GPN1: variants seen among roughly 807,000 people sequenced by gnomAD.
GPN1 encodes GPN-loop GTPase 1.
A neutral mutation model predicts 55.9 loss-of-function variants in GPN1; 44 were observed. That is an observed-to-expected ratio of 0.79 (90% CI 0.62 to 1.01). GPN1 has a LOEUF of 1.01. Among genes scored for constraint, GPN1 ranks in the 50% least tolerant of loss-of-function variants. The probability of loss-of-function intolerance (pLI) is 0.00; values close to 1 mark genes in which losing one functional copy is unlikely to be tolerated. For missense variants in GPN1, 466 were observed against 462.8 expected (o/e 1.01, Z -0.06); for synonymous variants, 179 against 162.5 (o/e 1.10, Z -0.77).
At chr2:27,647,104 C>T (rs1674271541) in intron 12 of GPN1, among the ~76,000 whole-genome samples, 1 of 152,186 alleles carries the variant, frequency 6.6e-6, no homozygotes, top group African/African-American at 2.4e-5. Context: ...TCCTGTCATC[C>T]TCCTTTTTCA....
intron 5 of GPN1, among the ~76,000 whole-genome samples, chr2:27,633,287 A>G (rs181083883): frequency 8.7e-4 from 132 of 152,248 alleles, no homozygotes; most frequent in Non-Finnish European, 2.1e-4. Flanking sequence ...GTGCTTTTAC[A>G]AAAATGGGGT....
chr2:27,628,274 A>G, upstream of GPN1: 1 of 999,362 alleles, frequency 1.0e-6, no homozygotes, highest in South Asian at 1.7e-5. Context: ...AGGGTCACAG[A>G]AACAGACTGG....
intron 10 of GPN1, 110 bp from the exon 11 acceptor site, chr2:27,641,130 G>A: frequency 1.4e-6 from 1 of 724,184 alleles, no homozygotes. Flanking sequence ...GTTGAATGAA[G>A]TCAGATGTTT....
intron 13 of GPN1, among the ~76,000 whole-genome samples, chr2:27,648,906 G>C (rs1674372605): frequency 1.3e-5 from 2 of 151,626 alleles, no homozygotes; most frequent in Admixed American, 6.6e-5. Context: ...CAAAGTGCTG[G>C]GATTACAGGC....
chr2:27,632,583 A>G (rs776801269), intron 4 of GPN1, 50 bp from the exon 5 acceptor site: 4 of 1,339,436 alleles, frequency 3.0e-6, no homozygotes, highest in Non-Finnish European at 4.3e-6. Flanking sequence ...GGGCTCTGTG[A>G]TTTTGTGTTG....
chr2:27,650,487 C>T lies in GPN1; in HGVS notation c.*287C>T, dbSNP rs1674475199. 1 of 193,756 alleles carries T rather than the reference C, an allele frequency of 5.2e-6. No individual in the cohort carries two copies. Among genetic ancestry groups the T allele is most frequent in the South Asian group, 1.3e-4 (1 of 7,894 alleles). The allele number at this position is 193,756 out of a possible 1,614,324, so 12.0% of individuals were successfully genotyped here. On this transcript the variant is annotated 3_prime_UTR_variant, in exon 14 of 14. Transcript: ENST00000610189. ...CCAAGCCTACAACTTCAAGTTTTAT[C>T]ATTTGAACTCAAGTACTTTTGCTGC...
At position 27,640,061 on chromosome 2, in the gene GPN1, G is replaced by A. The variant is rs1673877489; in HGVS notation, c.736G>A (p.Val246Ile). The change falls in exon 10 of 14, where the codon GTT becomes ATT. Residue 246 changes from valine to isoleucine, a missense_variant. Val to Ile is a conservative substitution (Grantham distance 29). Transcript: ENST00000610189. ...TTGGCAGGTGGTGGGTGTCTCTGCT[G>A]TTCTGGGTACTGGATTAGATGAACT... ...SSLRVVGVSA[V>I]LGTGLDELFV... 1.2e-6 allele frequency: 2 copies of A among 1,611,726 alleles called. No homozygotes were observed. Among genetic ancestry groups the A allele is most frequent in the African/African-American group, 1.3e-5 (1 of 74,878 alleles).
chr2:27,633,139 G>A (rs1673612259), intron 5 of GPN1, among the ~76,000 whole-genome samples: 1 of 152,084 alleles, frequency 6.6e-6, no homozygotes, highest in Non-Finnish European at 1.5e-5. Flanking sequence ...ATAATTTATT[G>A]TTTTATAAAA....
At position 27,630,088 on chromosome 2, in the gene GPN1, C is replaced by G. The variant is rs543618048; in HGVS notation, c.205+136C>G. 17 of 612,084 alleles carry G rather than the reference C, an allele frequency of 2.8e-5. No homozygotes were observed. The East Asian group carries it at 3.0e-4, about 11-fold the overall frequency. 37.9% of individuals were successfully genotyped at this position (612,084 alleles called of 1,614,324 possible). ...AGATCACGAGGTCAGGAGTTCAAGACCAGCCTGGCCAAGATGGTGAAACTC... is the reference window on the plus strand; with the variant it reads ...AGATCACGAGGTCAGGAGTTCAAGAGCAGCCTGGCCAAGATGGTGAAACTC... On this transcript the variant is annotated intron_variant, in intron 2 of 13. Transcript: ENST00000610189.
At chr2:27,629,191 T>C (rs1194893054) in intron 1 of GPN1, 22 bp downstream of exon 1, 2 of 1,609,772 alleles carry the variant, frequency 1.2e-6, no homozygotes, top group Middle Eastern at 1.7e-4. Flanking sequence ...AGCATGGGTG[T>C]AGTAGGGGAG....
At chr2:27,638,278 G>A (rs1022227999) in intron 8 of GPN1, 23 bp downstream of exon 8, 2 of 1,405,896 alleles carry the variant, frequency 1.4e-6, no homozygotes, top group Non-Finnish European at 2.0e-6. Context: ...TTCCTGTTGT[G>A]ATTCACCATT....
chr2:27,650,259 AAG>A lies in GPN1; in HGVS notation c.*61_*62del, dbSNP rs1553359612. ...TCCAGAATTTTGGACCTCCACGTGAAAGAACTGTTCTTACCTCTGAACTGGGG... is the reference window on the plus strand; with the variant it reads ...TCCAGAATTTTGGACCTCCACGTGAAAACTGTTCTTACCTCTGAACTGGGG... On this transcript the variant is annotated 3_prime_UTR_variant, in exon 14 of 14. Coordinates refer to ENST00000610189, the MANE Select transcript of GPN1 (RefSeq NM_007266.4). The A allele has an allele frequency of 1.9e-5, 18 of 967,272 alleles. No individual in the cohort carries two copies. The highest frequency in any genetic ancestry group is 2.8e-5 in the Non-Finnish European group (17 of 600,376). 59.9% of individuals were successfully genotyped at this position (967,272 alleles called of 1,614,324 possible). A position where few individuals can be genotyped will look rare whatever the true frequency, so the allele number is the denominator to read the frequency against.
chr2:27,642,954 T>TACACACACACACAC (rs1270219794), intron 12 of GPN1, among the ~76,000 whole-genome samples: 596 of 46,760 alleles, frequency 0.013, 11 homozygotes, highest in Admixed American at 0.074. Flanking sequence ...TATATATATA[T>TACACACACACACAC]ATATACACAC....
chr2:27,649,408 C>T (rs1170066434), intron 13 of GPN1, among the ~76,000 whole-genome samples: 1 of 151,984 alleles, frequency 6.6e-6, no homozygotes, highest in Non-Finnish European at 1.5e-5. Context: ...AACAGTGAAA[C>T]TCACTTTTTG....
chr2:27,644,732 T>G (rs548319603), intron 12 of GPN1, among the ~76,000 whole-genome samples: 1,658 of 148,528 alleles, frequency 0.011, 17 homozygotes, highest in Non-Finnish European at 0.018. Context: ...TGTTTTTTTT[T>G]TTTTTTTTTT....
chr2:27,644,763 G>C (rs1193657070), intron 12 of GPN1, among the ~76,000 whole-genome samples: 2 of 136,756 alleles, frequency 1.5e-5, no homozygotes, highest in Admixed American at 7.6e-5. Flanking sequence ...GTCTGAGGCT[G>C]GTCTGGACCT....
intron 12 of GPN1, 144 bp from the exon 13 acceptor site, chr2:27,647,692 T>TA: frequency 1.7e-6 from 1 of 591,938 alleles, no homozygotes; most frequent in Non-Finnish European, 3.1e-6. Context: ...TAAGTGGTAT[T>TA]AACAATACAT....
rs1008642299 is a variant in GPN1, at chr2:27,638,207, C to T, written c.525-3C>T. ...TAATAACTTCTCAATGTTTGGTTTTCAGCATCTTATACAAAACCAAGCTGC... is the reference window on the plus strand; with the variant it reads ...TAATAACTTCTCAATGTTTGGTTTTTAGCATCTTATACAAAACCAAGCTGC... On this transcript the variant is annotated splice_region_variant and splice_polypyrimidine_tract_variant and intron_variant, in intron 7 of 13. Coordinates refer to ENST00000610189, the MANE Select transcript of GPN1 (RefSeq NM_007266.4). 7 of 1,529,446 alleles carry T rather than the reference C, an allele frequency of 4.6e-6. No homozygotes were observed. The highest frequency in any genetic ancestry group is 2.7e-5 in the African/African-American group (2 of 73,352). 94.7% of individuals were successfully genotyped at this position (1,529,446 alleles called of 1,614,324 possible).
At chr2:27,641,646 T>C (rs921010844) in intron 11 of GPN1, among the ~76,000 whole-genome samples, 5 of 152,152 alleles carry the variant, frequency 3.3e-5, no homozygotes, top group South Asian at 2.1e-4. Flanking sequence ...CATGCCAGAG[T>C]GCAGTGGCAC....
Sources: gnomAD v4.1 joint callset for allele counts (sites outside exome capture counted in the v4.1 genomes callset) on GRCh38, gnomAD v4.1.1 for gene constraint, MANE v1.5 for transcripts, NCBI Gene and HGNC (gene_info 2026-07-23, HGNC 2026-07-21) for gene names.